Variants in GLB1L2 observed in about 807,000 individuals in gnomAD.
The protein encoded by GLB1L2 is beta-galactosidase-1-like protein 2.
GLB1L2 carries 68 observed loss-of-function variants against 84.1 expected under a neutral mutation model. The observed-to-expected ratio is 0.81, with a 90% CI of 0.67 to 0.99. The LOEUF (loss-of-function observed/expected upper bound fraction) is 0.99. Ranked by LOEUF, GLB1L2 falls within the 50% of genes least tolerant of loss-of-function variation. The pLI is 0.00. For synonymous variants in GLB1L2, 290 were observed against 318.0 expected (o/e 0.91, Z 0.94); for missense variants, 762 against 805.6 (o/e 0.95, Z 0.66).
Position 134,339,878 on chromosome 11 carries a change from T to C in GLB1L2, c.87-2876T>C, listed in dbSNP as rs1943437680. ...ATAGAAGTTGTTGAATTGGGATGCC[T>C]CTTTCCAGGTGTCTGCACTTTGAGT... On this transcript the variant is annotated intron_variant, in intron 1 of 18. Coordinates refer to ENST00000535456, the MANE Select transcript of GLB1L2 (RefSeq NM_001370461.1). This position sits in a 1 kb window ranked among gnomAD's most constrained non-coding sequence, Gnocchi z 5.7. Among the ~76,000 whole-genome samples the C allele has an allele frequency of 6.6e-6, 1 of 152,180 alleles. No individual in the cohort carries two copies. The highest frequency in any genetic ancestry group is 1.5e-5 in the Non-Finnish European group (1 of 68,026).
In GLB1L2 at chr11:134,335,888, C is replaced by T. The variant is rs115938377; in HGVS notation, c.86+3741C>T. On this transcript the variant is annotated intron_variant, in intron 1 of 18. Transcript: ENST00000535456. ...TGAAAAGGACTCTGGGGTCTAGGCACGTCCTCCCTCCCTCCCTCTCCACCA... is the reference window on the plus strand; with the variant it reads ...TGAAAAGGACTCTGGGGTCTAGGCATGTCCTCCCTCCCTCCCTCTCCACCA... Among the ~76,000 whole-genome samples the T allele has an allele frequency of 2.8e-3, 430 of 152,252 alleles. 2 individuals are homozygous for T. The highest frequency in any genetic ancestry group is 9.8e-3 in the African/African-American group (405 of 41,534).
At position 134,371,050 on chromosome 11, in the gene GLB1L2, G is replaced by A. The variant is rs1943945645; in HGVS notation, c.1258G>A (p.Val420Ile). 9.3e-6 allele frequency: 15 copies of A among 1,614,200 alleles called. No homozygotes were observed. Among genetic ancestry groups the A allele is most frequent in the Non-Finnish European group, 1.3e-5 (15 of 1,180,034 alleles). The change falls in exon 13 of 19, where the codon GTC becomes ATC. Residue 420 changes from valine to isoleucine, a missense_variant. Physicochemically the swap from Val to Ile is conservative, Grantham distance 29. Coordinates refer to ENST00000535456, the MANE Select transcript of GLB1L2 (RefSeq NM_001370461.1). The part of the protein sequence containing the change: ...EKPINMENLP[V>I]NGGNGQSFGY... ...GCCCATCAACATGGAGAACCTGCCA[G>A]TCAATGGGGGAAATGGACAGTCCTT...
At chr11:134,345,607 G>A (rs1055221598) in intron 4 of GLB1L2, among the ~76,000 whole-genome samples, 3 of 152,074 alleles carry the variant, frequency 2.0e-5, no homozygotes, top group South Asian at 2.1e-4. Context: ...AGTAGCTAGG[G>A]TTACAGGTGT....
rs1326659341 is a variant in GLB1L2, at chr11:134,332,081, G to A, written c.20G>A (p.Arg7Gln). Residue 7 changes from arginine (R) to glutamine (Q), a missense_variant, in exon 1 of 19, where the codon CGG (arginine) becomes CAG (glutamine). Coordinates refer to ENST00000535456, the MANE Select transcript of GLB1L2 (RefSeq NM_001370461.1). ...CACGCGATGACCACGTGGAGCCTCC[G>A]GCGGAGGCCGGCCCGCACGCTGGGA... Reference protein sequence around the residue: MTTWSLRRRPARTLGLL... With the variant: MTTWSLQRRPARTLGLL... 1 of 1,584,838 alleles carries A rather than the reference G, an allele frequency of 6.3e-7. No homozygotes were observed.
intron 7 of GLB1L2, among the ~76,000 whole-genome samples, chr11:134,363,546 CA>C (rs1565440571): frequency 6.6e-6 from 1 of 152,210 alleles, no homozygotes; most frequent in Non-Finnish European, 1.5e-5. Context: ...CTTTCTTGAG[CA>C]TATGTTTCAC....
At chr11:134,344,605 A>G in intron 3 of GLB1L2, 150 bp downstream of exon 3, 2 of 1,023,312 alleles carry the variant, frequency 2.0e-6, no homozygotes, top group Non-Finnish European at 1.5e-6. Flanking sequence ...CAGGACCCAG[A>G]CGCTCCCCAG....
chr11:134,345,474 CTGTT>C (rs1565435147), intron 4 of GLB1L2, among the ~76,000 whole-genome samples: 1 of 152,156 alleles, frequency 6.6e-6, no homozygotes. Flanking sequence ...CCTTCCCTGT[CTGTT>C]TCTTTTTTTT....
intron 3 of GLB1L2, among the ~76,000 whole-genome samples, 180 bp downstream of exon 3, chr11:134,344,635 G>C (rs1943519513): frequency 6.6e-6 from 1 of 152,286 alleles, no homozygotes; most frequent in Admixed American, 6.5e-5. Context: ...GTCACCCAGA[G>C]GGACTGGGCC....
chr11:134,358,946 C>G, intron 6 of GLB1L2, 114 bp from the exon 7 acceptor site: 1 of 714,206 alleles, frequency 1.4e-6, no homozygotes. Context: ...GAAATAAACG[C>G]TTTATTTGTC....
rs778177261 is a variant in GLB1L2 at position 134,371,078 on chromosome 11, G to T, written c.1286G>T (p.Gly429Val). 1 of 1,614,032 alleles carries T rather than the reference G, an allele frequency of 6.2e-7. No individual in the cohort carries two copies. The highest frequency in any genetic ancestry group is 8.5e-7 in the Non-Finnish European group (1 of 1,180,016). Residue 429 changes from glycine (G) to valine (V), a missense_variant, in exon 13 of 19, where the codon GGG (glycine) becomes GTG (valine). Physicochemically the swap from Gly to Val is moderately radical, Grantham distance 109. Around this residue, in one of 3 missense-constraint regions of GLB1L2, gnomAD observed 603 missense variants for 611.7 expected, o/e 0.99. Coordinates refer to ENST00000535456, the MANE Select transcript of GLB1L2 (RefSeq NM_001370461.1). ...PVNGGNGQSF[G>V]YILYETSITS... Reference sequence around the variant, plus strand: ...AATGGGGGAAATGGACAGTCCTTCGGGTACATTCTCTATGAGACCAGCATC... The same window carrying T: ...AATGGGGGAAATGGACAGTCCTTCGTGTACATTCTCTATGAGACCAGCATC...
intron 7 of GLB1L2, among the ~76,000 whole-genome samples, 155 bp from the exon 8 acceptor site, chr11:134,364,173 G>C (rs949502014): frequency 1.3e-5 from 2 of 152,138 alleles, no homozygotes; most frequent in Non-Finnish European, 2.9e-5. Context: ...GAGCCACCGC[G>C]CCTGACTGTG....
chr11:134,342,235 G>C (rs551592881), intron 1 of GLB1L2, among the ~76,000 whole-genome samples: 1 of 152,106 alleles, frequency 6.6e-6, no homozygotes, highest in Admixed American at 6.5e-5. Context: ...GGGTCACCTC[G>C]TGGGGGGTGC....
intron 8 of GLB1L2, 70 bp from the exon 9 acceptor site, chr11:134,367,187 C>A: frequency 1.6e-6 from 2 of 1,279,788 alleles, no homozygotes; most frequent in East Asian, 2.4e-5. Context: ...TGGGGCTCCC[C>A]TCCATGAAGA....
chr11:134,344,004 G>GC (rs1045948362), intron 2 of GLB1L2, among the ~76,000 whole-genome samples: 9 of 152,202 alleles, frequency 5.9e-5, no homozygotes, highest in African/African-American at 2.2e-4. Flanking sequence ...TCATTCTGTT[G>GC]CCCGTTTTGG....
intron 10 of GLB1L2, among the ~76,000 whole-genome samples, chr11:134,369,024 G>A (rs1007785054): frequency 1.4e-4 from 21 of 152,198 alleles, no homozygotes; most frequent in African/African-American, 4.1e-4. Flanking sequence ...GTTGGCCTGA[G>A]GAAGTGGAAG....
In GLB1L2 at chr11:134,368,675, C is replaced by T. The variant is rs1035000024; in HGVS notation, c.921C>T (p.Asp307=). The change falls in exon 10 of 19, where the codon GAC becomes GAT. Residue 307 remains aspartate, a synonymous_variant. Transcript: ENST00000535456. ...EVLKTVSAIV[D]AGSSINLYMF... ...TGAAAACCGTGTCTGCCATTGTGGA[C>T]GCCGGCTCCTCCATCAACCTCTACA... The T allele has an allele frequency of 2.7e-5, 43 of 1,613,748 alleles. No individual in the cohort carries two copies. In the Middle Eastern group the frequency reaches 4.9e-4, roughly 19 times the overall value.
chr11:134,347,562 C>T lies in GLB1L2; in HGVS notation c.558+129C>T, dbSNP rs182422195. ...CACGAGCAGGCTCTTCCTCACCGTC[C>T]GAGACTCGTAACTGAGGGGCTTGCA... is the stretch of plus-strand genomic sequence containing the variant. On this transcript the variant is annotated intron_variant, in intron 5 of 18. Coordinates refer to ENST00000535456, the MANE Select transcript of GLB1L2 (RefSeq NM_001370461.1). 4,126 of 682,940 alleles carry T rather than the reference C, an allele frequency of 6.0e-3. 43 individuals are homozygous for T. Among genetic ancestry groups the T allele is most frequent in the South Asian group, 0.024 (1,441 of 59,088 alleles). 42.3% of individuals were successfully genotyped at this position (682,940 alleles called of 1,614,324 possible). A position where few individuals can be genotyped will look rare whatever the true frequency, so the allele number is the denominator to read the frequency against.
chr11:134,358,402 C>T (rs555687539), intron 6 of GLB1L2, among the ~76,000 whole-genome samples: 3 of 152,362 alleles, frequency 2.0e-5, no homozygotes, highest in South Asian at 4.1e-4. Context: ...GAGGGCCTGG[C>T]GTGGCAGTGA....
At position 134,371,031 on chromosome 11, in the gene GLB1L2, C is replaced by T. The variant is rs749574946; in HGVS notation, c.1239C>T (p.Ile413=). 3.4e-5 allele frequency: 55 copies of T among 1,614,042 alleles called. No individual in the cohort carries two copies. Among genetic ancestry groups the T allele is most frequent in the Non-Finnish European group, 3.6e-5 (43 of 1,180,032 alleles). The change falls in exon 13 of 19, where the codon ATC becomes ATT. Residue 413 remains isoleucine, a synonymous_variant. Transcript: ENST00000535456. ...LGEPIKSEKP[I]NMENLPVNGG... ...AGCCAATCAAGTCTGAAAAGCCCAT[C>T]AACATGGAGAACCTGCCAGTCAATG...
Sources: allele counts gnomAD v4.1 joint callset (sites outside exome capture counted in the v4.1 genomes callset), GRCh38; gene constraint gnomAD v4.1.1; regional missense constraint gnomAD v4.1.1; non-coding constraint Gnocchi (gnomAD v3.1); transcripts MANE v1.5; gene names NCBI Gene and HGNC (gene_info 2026-07-23, HGNC 2026-07-21).